The following GPM6A variants were observed in gnomAD, a reference collection of about 807,000 sequenced individuals.
The protein encoded by GPM6A is neuronal membrane glycoprotein M6-a.
Under a neutral mutation model 32.1 loss-of-function variants are expected in GPM6A, and 7 were observed. The observed-to-expected ratio is 0.22, with a 90% confidence interval of 0.12 to 0.41. The LOEUF (loss-of-function observed/expected upper bound fraction) is 0.41, where lower values mean the gene tolerates loss of function less well. Among genes scored for constraint, GPM6A ranks in the 10% least tolerant of loss-of-function variants. The pLI is 1.00. For missense variants in GPM6A, 235 were observed against 347.2 expected (o/e 0.68, Z 2.57); for synonymous variants, 130 against 123.4 (o/e 1.05, Z -0.35).
At chr4:175,933,499 G>T (rs888154103) in intron 1 of GPM6A, among the ~76,000 whole-genome samples, 5 of 152,102 alleles carry the variant, frequency 3.3e-5, no homozygotes, top group African/African-American at 1.2e-4. Flanking sequence ...CTCCTGTGTC[G>T]ATAGTGAATA....
At chr4:175,956,648 A>G (rs1486687918) in intron 1 of GPM6A, among the ~76,000 whole-genome samples, 1 of 152,214 alleles carries the variant, frequency 6.6e-6, no homozygotes, top group East Asian at 1.9e-4. Flanking sequence ...GAGGTGTTCA[A>G]TTGATTCAGC....
chr4:175,963,341 A>G (rs6853475), intron 1 of GPM6A, among the ~76,000 whole-genome samples: 1,661 of 151,948 alleles, frequency 0.011, 27 homozygotes, highest in African/African-American at 0.038. Context: ...ATACAAAACA[A>G]AATAAAAAAT....
At chr4:175,734,257 C>A (rs144537877) in intron 1 of GPM6A, among the ~76,000 whole-genome samples, 387 of 151,604 alleles carry the variant, frequency 2.6e-3, no homozygotes, top group African/African-American at 8.7e-3. Context: ...GGTTCTGTTC[C>A]CTTGTCTTTA....
intron 6 of GPM6A, among the ~76,000 whole-genome samples, chr4:175,637,154 T>A (rs1740691415): frequency 1.8e-5 from 2 of 114,222 alleles, no homozygotes; most frequent in South Asian, 4.6e-4. Context: ...ATATATTATA[T>A]GTCACATATA....
chr4:175,837,126 C>A (rs952990688), intron 1 of GPM6A, among the ~76,000 whole-genome samples: 6 of 151,330 alleles, frequency 4.0e-5, no homozygotes, highest in African/African-American at 1.5e-4. Flanking sequence ...AGAACAAGAG[C>A]AAGAGAGAGA....
chr4:175,748,278 G>A (rs1437205545), intron 1 of GPM6A, among the ~76,000 whole-genome samples: 3 of 152,166 alleles, frequency 2.0e-5, no homozygotes, highest in African/African-American at 7.2e-5. Flanking sequence ...TCTCCTGAAA[G>A]TTTTTAATTG....
At chr4:175,816,898 A>ATGTT (rs1359101908), upstream of GPM6A, among the ~76,000 whole-genome samples, 1 of 151,766 alleles carries the variant, frequency 6.6e-6, no homozygotes, top group African/African-American at 2.4e-5. Context: ...TCTCGCTCAA[A>ATGTT]GCCCAGGCTG....
chr4:175,922,615 T>C (rs891574454), intron 1 of GPM6A, among the ~76,000 whole-genome samples: 13 of 152,066 alleles, frequency 8.5e-5, no homozygotes, highest in Non-Finnish European at 5.9e-5. Flanking sequence ...TATAATGAAA[T>C]AAAAGGAAGA....
At chr4:175,804,115 C>G (rs1734584280) in intron 1 of GPM6A, among the ~76,000 whole-genome samples, 1 of 152,136 alleles carries the variant, frequency 6.6e-6, no homozygotes, top group Non-Finnish European at 1.5e-5. Context: ...AAACCACATT[C>G]AGTGTCATAT....
upstream of GPM6A, chr4:175,812,388 G>C: frequency 7.5e-7 from 1 of 1,325,100 alleles, no homozygotes; most frequent in Non-Finnish European, 9.5e-7. Context: ...TCAGAGCTTA[G>C]CTCAGGCTCC....
Position 175,682,058 on chromosome 4 carries a change from G to A in GPM6A, c.231-8222C>T, listed in dbSNP as rs114549623. ...TGACCAACATGCTGATAGTGACATC[G>A]ACAGTGAAGTCAAGGCTGACAAGGT... On this transcript the variant is annotated intron_variant, in intron 2 of 6. Coordinates refer to ENST00000393658, the MANE Select transcript of GPM6A (RefSeq NM_201591.3). Among the ~76,000 whole-genome samples the A allele has an allele frequency of 2.7e-3, 407 of 152,256 alleles. 2 individuals are homozygous for A. Among genetic ancestry groups the A allele is most frequent in the African/African-American group, 9.0e-3 (373 of 41,562 alleles).
intron 1 of GPM6A, among the ~76,000 whole-genome samples, chr4:175,936,007 A>G (rs113590390): frequency 6.6e-6 from 1 of 151,030 alleles, no homozygotes; most frequent in African/African-American, 2.4e-5. Flanking sequence ...AAAAAAAAAT[A>G]AAAAAAATTA....
At chr4:175,686,330 T>C (rs923191181) in intron 2 of GPM6A, among the ~76,000 whole-genome samples, 1 of 152,218 alleles carries the variant, frequency 6.6e-6, no homozygotes, top group Non-Finnish European at 1.5e-5. Context: ...AAATACTTCC[T>C]AATCCCTGAC....
At chr4:175,903,649 C>A (rs892030702) in intron 1 of GPM6A, among the ~76,000 whole-genome samples, 17 of 152,088 alleles carry the variant, frequency 1.1e-4, no homozygotes, top group African/African-American at 4.1e-4. Context: ...GCAGAAAAAG[C>A]AAAACTGGAA....
intron 1 of GPM6A, among the ~76,000 whole-genome samples, chr4:175,824,892 C>A (rs1265752532): frequency 2.6e-5 from 4 of 152,100 alleles, no homozygotes; most frequent in Admixed American, 2.6e-4. Context: ...ATATAAAAGT[C>A]TCTCAAAAGT....
chr4:175,962,293 A>C lies in GPM6A; in HGVS notation c.-23+40016T>G, dbSNP rs928569775. 7 of 1,271,416 alleles carry C rather than the reference A, an allele frequency of 5.5e-6. No homozygotes were observed. The African/African-American group carries it at 5.9e-5, about 11-fold the overall frequency. 78.8% of individuals were successfully genotyped at this position (1,271,416 alleles called of 1,614,324 possible). ...GCCTTTTCAACACCACAGACACCAGAAGTAAAAGTGAGTTTACTGGGTCCT... is the reference window on the plus strand; with the variant it reads ...GCCTTTTCAACACCACAGACACCAGCAGTAAAAGTGAGTTTACTGGGTCCT... On this transcript the variant is annotated intron_variant, in intron 1 of 7. Transcript: ENST00000280187.
At chr4:175,794,441 T>G (rs185257262) in intron 1 of GPM6A, among the ~76,000 whole-genome samples, 3 of 152,360 alleles carry the variant, frequency 2.0e-5, no homozygotes, top group Admixed American at 2.0e-4. Flanking sequence ...TACAGTGCAA[T>G]TACACACAAT....
chr4:175,849,378 C>T (rs536736408), intron 1 of GPM6A, among the ~76,000 whole-genome samples: 3 of 152,160 alleles, frequency 2.0e-5, no homozygotes, highest in South Asian at 2.1e-4. Context: ...CTACCTTTGG[C>T]GAATGCAGTA....
At chr4:175,858,586 G>A (rs570916614) in intron 1 of GPM6A, among the ~76,000 whole-genome samples, 1 of 151,638 alleles carries the variant, frequency 6.6e-6, no homozygotes, top group Non-Finnish European at 1.5e-5. Context: ...GTGCTGGTGA[G>A]GACATGAAGG....
Sources: gnomAD v4.1 joint callset for allele counts (sites outside exome capture counted in the v4.1 genomes callset) on GRCh38, gnomAD v4.1.1 for gene constraint, MANE v1.5 for transcripts, NCBI Gene and HGNC (gene_info 2026-07-23, HGNC 2026-07-21) for gene names.